The following ROBO2 variants were observed in gnomAD, a reference collection of about 807,000 sequenced individuals.
The protein encoded by ROBO2 is roundabout guidance receptor 2.
Under a neutral mutation model 160.8 loss-of-function variants are expected in ROBO2, and 53 were observed. The observed-to-expected ratio is 0.33, with a 90% confidence interval of 0.26 to 0.41. The LOEUF (loss-of-function observed/expected upper bound fraction) is 0.41, where lower values mean the gene tolerates loss of function less well. Ranked by LOEUF, ROBO2 falls within the 10% of genes least tolerant of loss-of-function variation. The probability of loss-of-function intolerance (pLI) is 1.00; values close to 1 mark genes in which losing one functional copy is unlikely to be tolerated. For missense variants in ROBO2, 1,577 were observed against 1,722.4 expected, an observed-to-expected ratio of 0.92 and a Z score of 1.49; for synonymous variants, 664 against 611.7, an observed-to-expected ratio of 1.09 and a Z score of -1.26.
intron 2 of ROBO2, among the ~76,000 whole-genome samples, chr3:76,753,091 G>T (rs952965561): frequency 3.3e-5 from 5 of 151,856 alleles, no homozygotes; most frequent in African/African-American, 7.2e-5. Flanking sequence ...AATCATTTCA[G>T]TTCTTTAAAT....
At chr3:76,457,628 G>A (rs2106681551) in intron 2 of ROBO2, among the ~76,000 whole-genome samples, 1 of 152,272 alleles carries the variant, frequency 6.6e-6, no homozygotes, top group African/African-American at 2.4e-5. Context: ...GACCGTGTGG[G>A]GGCTCGACCC....
chr3:77,310,385 A>G (rs1409207911), intron 2 of ROBO2, among the ~76,000 whole-genome samples: 2 of 152,174 alleles, frequency 1.3e-5, no homozygotes, highest in Non-Finnish European at 2.9e-5. Context: ...TTGAAGACCC[A>G]TTTCGGGAGA....
At chr3:76,622,957 A>G (rs1246713901) in intron 2 of ROBO2, among the ~76,000 whole-genome samples, 2 of 152,090 alleles carry the variant, frequency 1.3e-5, no homozygotes, top group Admixed American at 6.5e-5. Context: ...TCCGCTGTGT[A>G]TTTCAGCCAT....
intron 2 of ROBO2, among the ~76,000 whole-genome samples, chr3:77,285,737 C>T (rs1181664980): frequency 6.6e-6 from 1 of 151,944 alleles, no homozygotes; most frequent in Non-Finnish European, 1.5e-5. Flanking sequence ...CACTCCTTTT[C>T]CTAAACTATG....
chr3:77,568,368 A>C (rs1376780398), exon 13 of ROBO2: 39 of 1,613,074 alleles, frequency 2.4e-5, no homozygotes, highest in Middle Eastern at 1.7e-4. Flanking sequence ...AAGAGCTAGG[A>C]GATGTCCTTG....
intron 2 of ROBO2, among the ~76,000 whole-genome samples, chr3:76,414,247 G>T (rs2075644150): frequency 6.6e-6 from 1 of 152,064 alleles, no homozygotes; most frequent in African/African-American, 2.4e-5. Flanking sequence ...GCCTATTTTG[G>T]TGCTTTTTGT....
chr3:77,613,728 A>G (rs1204147197), intron 21 of ROBO2, among the ~76,000 whole-genome samples: 1 of 152,222 alleles, frequency 6.6e-6, no homozygotes, highest in Non-Finnish European at 1.5e-5. Context: ...CAAAACAAGA[A>G]CAGTTCAATG....
At chr3:77,352,305 T>C (rs577335250) in intron 2 of ROBO2, among the ~76,000 whole-genome samples, 6 of 152,188 alleles carry the variant, frequency 3.9e-5, no homozygotes, top group African/African-American at 1.4e-4. Context: ...AGAAGTGTTG[T>C]CAAAACTCTT....
At position 76,746,871 on chromosome 3, in the gene ROBO2, G is replaced by A. The variant is rs150946106; in HGVS notation, c.110-351143G>A. Among the ~76,000 whole-genome samples the A allele has an allele frequency of 6.5e-3, 987 of 152,020 alleles. 6 individuals carry two copies. Among genetic ancestry groups the A allele is most frequent in the Middle Eastern group, 0.024 (7 of 292 alleles). On this transcript the variant is annotated intron_variant, in intron 2 of 26. Coordinates refer to the ROBO2 transcript ENST00000487694. ...CTCCCTGTGTCCATATGATCTTATT[G>A]TGTTCCCACTTATAAGTGAGAACAT...
At chr3:76,753,679 G>A (rs9811731) in intron 2 of ROBO2, among the ~76,000 whole-genome samples, 46,516 of 151,734 alleles carry the variant, frequency 0.31, 8,828 homozygotes, top group African/African-American at 0.53. Flanking sequence ...TAAAAAAAGA[G>A]ACCATTGCTA....
intron 2 of ROBO2, among the ~76,000 whole-genome samples, chr3:77,284,533 T>A (rs561351974): frequency 6.6e-6 from 1 of 152,262 alleles, no homozygotes; most frequent in South Asian, 2.1e-4. Flanking sequence ...TAATGCTAGG[T>A]CATGGAGACT....
At chr3:76,872,894 C>T (rs1224583170) in intron 2 of ROBO2, among the ~76,000 whole-genome samples, 1 of 151,882 alleles carries the variant, frequency 6.6e-6, no homozygotes, top group Admixed American at 6.6e-5. Flanking sequence ...AAAAAAATCA[C>T]ATTATTTCAA....
At chr3:76,414,318 C>T (rs886520994) in intron 2 of ROBO2, among the ~76,000 whole-genome samples, 4 of 152,056 alleles carry the variant, frequency 2.6e-5, no homozygotes, top group African/African-American at 9.7e-5. Context: ...AATTAACACT[C>T]AACTCTCTAT....
chr3:77,326,225 G>A (rs943376683), intron 2 of ROBO2, among the ~76,000 whole-genome samples: 1 of 152,158 alleles, frequency 6.6e-6, no homozygotes. Context: ...CTTTAACACA[G>A]TATTTGAGAA....
chr3:77,587,419 T>C (rs1458987831), intron 16 of ROBO2, among the ~76,000 whole-genome samples: 1 of 152,052 alleles, frequency 6.6e-6, no homozygotes, highest in African/African-American at 2.4e-5. Context: ...TGAATTGAGA[T>C]TTGCAGGATT....
chr3:77,587,337 C>T (rs1302689245), intron 16 of ROBO2, among the ~76,000 whole-genome samples: 9 of 151,974 alleles, frequency 5.9e-5, no homozygotes, highest in Non-Finnish European at 1.2e-4. Flanking sequence ...TTGAACTCTG[C>T]TGCAAAAGAT....
At chr3:76,493,687 G>A (rs1005058070) in intron 2 of ROBO2, among the ~76,000 whole-genome samples, 21 of 151,626 alleles carry the variant, frequency 1.4e-4, no homozygotes, top group Middle Eastern at 3.4e-3. Context: ...ATCGATTTCC[G>A]TTCCCAAGCT....
At chr3:77,020,155 A>G (rs980768580) in intron 2 of ROBO2, among the ~76,000 whole-genome samples, 47 of 152,244 alleles carry the variant, frequency 3.1e-4, no homozygotes, top group African/African-American at 1.1e-3. Context: ...AAAACTGAAT[A>G]GATTTTGAGA....
intron 2 of ROBO2, among the ~76,000 whole-genome samples, chr3:76,365,191 A>G (rs1482068596): frequency 6.6e-6 from 1 of 152,016 alleles, no homozygotes; most frequent in African/African-American, 2.4e-5. Flanking sequence ...CTGTACTCCA[A>G]AGTAAATGTG....
Sources: gnomAD v4.1 joint callset for allele counts (sites outside exome capture counted in the v4.1 genomes callset) on GRCh38, gnomAD v4.1.1 for gene constraint, MANE v1.5 for transcripts, NCBI Gene and HGNC (gene_info 2026-07-23, HGNC 2026-07-21) for gene names.